Variants in DCC observed in about 807,000 individuals in gnomAD.
The protein encoded by DCC is netrin receptor DCC.
Under a neutral mutation model 172.5 loss-of-function variants are expected in DCC, and 58 were observed. The ratio of observed to expected loss-of-function variants is 0.34; its 90% CI spans 0.27 to 0.42. The LOEUF is 0.42. Ranked by LOEUF, DCC falls within the 10% of genes least tolerant of loss-of-function variation. DCC has a pLI of 1.00. For missense variants in DCC, 1,740 were observed against 1,791.0 expected (o/e 0.97, Z 0.51); for synonymous variants, 709 against 644.5 (o/e 1.10, Z -1.52).
intron 27 of DCC, among the ~76,000 whole-genome samples, chr18:53,508,753 A>T (rs1358737758): frequency 2.0e-5 from 3 of 152,186 alleles, no homozygotes; most frequent in African/African-American, 4.8e-5. Context: ...CTTATGAGAG[A>T]CGGTGAGCAG....
At chr18:52,871,423 TG>T (rs1266126272) in intron 2 of DCC, among the ~76,000 whole-genome samples, 1 of 152,100 alleles carries the variant, frequency 6.6e-6, no homozygotes, top group Non-Finnish European at 1.5e-5. Context: ...AACAGACTTA[TG>T]GGGGTTTTAG....
chr18:53,176,589 C>A (rs2055098749), intron 8 of DCC, among the ~76,000 whole-genome samples: 1 of 152,200 alleles, frequency 6.6e-6, no homozygotes, highest in African/African-American at 2.4e-5. Flanking sequence ...TGCTCATCAT[C>A]ACTGGTCATC....
chr18:52,464,195 A>G (rs886722667), intron 1 of DCC, among the ~76,000 whole-genome samples: 2 of 152,188 alleles, frequency 1.3e-5, no homozygotes, highest in African/African-American at 4.8e-5. Context: ...TGTTCTCAGT[A>G]TATGCTTACA....
At chr18:52,365,222 A>C (rs1984793552) in intron 1 of DCC, among the ~76,000 whole-genome samples, 1 of 152,186 alleles carries the variant, frequency 6.6e-6, no homozygotes, top group South Asian at 2.1e-4. Flanking sequence ...TGCAAATGTC[A>C]AGGGTTAGTG....
intron 5 of DCC, among the ~76,000 whole-genome samples, chr18:53,049,025 G>C (rs151162691): frequency 6.6e-6 from 1 of 151,994 alleles, no homozygotes; most frequent in Non-Finnish European, 1.5e-5. Context: ...AGTTTTTAAT[G>C]GGGTTGTTTA....
chr18:53,014,286 AT>A (rs542171317), intron 5 of DCC, among the ~76,000 whole-genome samples: 32 of 151,064 alleles, frequency 2.1e-4, no homozygotes, highest in African/African-American at 5.1e-4. Flanking sequence ...ATGGATAATT[AT>A]TTTTTTTATT....
intron 25 of DCC, among the ~76,000 whole-genome samples, chr18:53,484,434 C>G (rs1203115838): frequency 6.6e-6 from 1 of 151,390 alleles, no homozygotes; most frequent in African/African-American, 2.4e-5. Context: ...GCTTTTTAGT[C>G]TGGTGCAGTT....
chr18:52,936,598 A>T lies in DCC; in HGVS notation c.985+11228A>T, dbSNP rs145356025. 3.4e-5 allele frequency among the ~76,000 whole-genome samples: 2 copies of T among 58,170 alleles called. 1 individual carries two copies. The highest frequency in any genetic ancestry group is 1.0e-4 in the Non-Finnish European group (2 of 19,566). The allele number at this position is 58,170 out of a possible 152,430, so 38.2% of individuals were successfully genotyped here. On this transcript the variant is annotated intron_variant, in intron 5 of 28. Transcript: ENST00000442544. ...AAGCAAAGTCTATGTACTAATACAGACCATTAAAAAGGCAATCTAAGAATA... is the reference window on the plus strand; with the variant it reads ...AAGCAAAGTCTATGTACTAATACAGTCCATTAAAAAGGCAATCTAAGAATA...
At chr18:52,992,805 A>G (rs1475260987) in intron 5 of DCC, among the ~76,000 whole-genome samples, 1 of 151,976 alleles carries the variant, frequency 6.6e-6, no homozygotes, top group African/African-American at 2.4e-5. Context: ...GCGAAATCAC[A>G]TCTCTACCAA....
intron 8 of DCC, among the ~76,000 whole-genome samples, chr18:53,170,999 C>T (rs960892629): frequency 1.3e-5 from 2 of 152,170 alleles, no homozygotes; most frequent in African/African-American, 4.8e-5. Context: ...ATTCTCGTGC[C>T]TCAGCCACTA....
intron 1 of DCC, among the ~76,000 whole-genome samples, chr18:52,389,151 G>A (rs143672466): frequency 1.2e-3 from 190 of 152,170 alleles, no homozygotes; most frequent in Non-Finnish European, 2.2e-3. Flanking sequence ...TCTTGTCGAT[G>A]AGTTCATTTT....
At chr18:52,700,537 A>T (rs1227201194) in intron 1 of DCC, among the ~76,000 whole-genome samples, 1 of 152,202 alleles carries the variant, frequency 6.6e-6, no homozygotes, top group East Asian at 1.9e-4. Context: ...GCTCCTTTTC[A>T]TGAATGCCTG....
intron 5 of DCC, among the ~76,000 whole-genome samples, chr18:53,004,381 A>G (rs1352926720): frequency 6.6e-6 from 1 of 152,086 alleles, no homozygotes; most frequent in Non-Finnish European, 1.5e-5. Context: ...GTGTATGTGT[A>G]TGTGTTTCTC....
chr18:52,646,931 T>C (rs1420074567), intron 1 of DCC, among the ~76,000 whole-genome samples: 1 of 152,122 alleles, frequency 6.6e-6, no homozygotes, highest in Non-Finnish European at 1.5e-5. Context: ...TAAGTCTATT[T>C]AGGAGGCCCA....
chr18:53,356,989 T>C (rs530115365), intron 15 of DCC, among the ~76,000 whole-genome samples: 19 of 152,350 alleles, frequency 1.2e-4, no homozygotes, highest in African/African-American at 4.6e-4. Context: ...ATCTTCTTCA[T>C]ATCCAAAGTC....
chr18:53,373,399 G>A (rs186452701), intron 15 of DCC, among the ~76,000 whole-genome samples: 12 of 152,028 alleles, frequency 7.9e-5, no homozygotes, highest in East Asian at 3.9e-4. Context: ...CTACTCCCCC[G>A]AAATAATCCA....
intron 5 of DCC, among the ~76,000 whole-genome samples, chr18:53,016,291 A>G (rs920925286): frequency 1.3e-5 from 2 of 152,114 alleles, no homozygotes; most frequent in Non-Finnish European, 2.9e-5. Flanking sequence ...CACTAAAACC[A>G]TTGATAAAAA....
intron 3 of DCC, among the ~76,000 whole-genome samples, chr18:52,917,780 C>A (rs1001305970): frequency 3.9e-5 from 6 of 152,160 alleles, no homozygotes; most frequent in Non-Finnish European, 7.3e-5. Flanking sequence ...GGATAACAAA[C>A]AGACCAGTTC....
chr18:52,600,599 C>A (rs541816134), intron 1 of DCC, among the ~76,000 whole-genome samples: 1 of 152,122 alleles, frequency 6.6e-6, no homozygotes, highest in Non-Finnish European at 1.5e-5. Context: ...GTACACTAAA[C>A]GTCTTTACCA....
Sources: allele counts gnomAD v4.1 joint callset (sites outside exome capture counted in the v4.1 genomes callset), GRCh38; gene constraint gnomAD v4.1.1; transcripts MANE v1.5; gene names NCBI Gene and HGNC (gene_info 2026-07-23, HGNC 2026-07-21).